Variants in C1QTNF12 observed in about 807,000 individuals in gnomAD.
C1QTNF12 encodes the protein C1q and TNF related 12.
In C1QTNF12, 39 loss-of-function variants were observed where a neutral mutation model predicts 34.3. The observed-to-expected ratio is 1.14, with a 90% CI of 0.88 to 1.49. The LOEUF (loss-of-function observed/expected upper bound fraction) is 1.49. C1QTNF12 is among the 40% of genes most tolerant of loss of function. The pLI is 0.00. For missense variants in C1QTNF12, 497 were observed against 424.7 expected (o/e 1.17, Z -1.50); for synonymous variants, 220 against 196.9 (o/e 1.12, Z -0.98).
At position 1,242,848 on chromosome 1, in the gene C1QTNF12, A is replaced by T. The variant is rs1336485511; in HGVS notation, c.797T>A (p.Leu266Gln). ...GCCCGGACTCACCTGCAGCTGCAGC[A>T]GCCCCTGCACCTGTAGCGTGAAGAC... ...SRVFTLQVQG[L>Q]LQLQAGQYAS... The change falls in exon 7 of 8, where the codon CTG becomes CAG. Residue 266 changes from leucine to glutamine, a missense_variant. Coordinates refer to ENST00000330388, the MANE Select transcript of C1QTNF12 (RefSeq NM_001014980.3). The T allele has an allele frequency of 6.2e-7, 1 of 1,612,176 alleles. No individual in the cohort carries two copies. Among genetic ancestry groups the T allele is most frequent in the East Asian group, 2.2e-5 (1 of 44,872 alleles).
intron 6 of C1QTNF12, 37 bp downstream of exon 6, chr1:1,243,025 G>A (rs1638779615): frequency 1.9e-6 from 3 of 1,559,366 alleles, no homozygotes; most frequent in Non-Finnish European, 2.6e-6. Flanking sequence ...GGGTGGTCCG[G>A]GGGCTGCCGC....
rs543393922 is a variant in C1QTNF12, at chr1:1,243,936, G to A, written c.531+18C>T. The A allele has an allele frequency of 2.5e-6, 4 of 1,600,324 alleles. No individual in the cohort carries two copies. The highest frequency in any genetic ancestry group is 1.3e-5 in the African/African-American group (1 of 74,592). On this transcript the variant is annotated intron_variant, in intron 4 of 7. Transcript: ENST00000330388. The stretch of plus-strand genomic sequence containing the variant: ...GGCCCCACCCAACACCCCGCTCTAA[G>A]CTCCCGGCTCCACTCACAGCCTGGA...
rs970793067 is a variant in C1QTNF12 at position 1,246,385 on chromosome 1, T to C, written c.177+129A>G. The C allele has an allele frequency of 2.1e-5, 16 of 746,566 alleles. No individual in the cohort carries two copies. Among genetic ancestry groups the C allele is most frequent in the Admixed American group, 1.3e-4 (3 of 22,870 alleles). The allele number at this position is 746,566 out of a possible 1,614,324, so 46.2% of individuals were successfully genotyped here. A position where few individuals can be genotyped will look rare whatever the true frequency, so the allele number is the denominator to read the frequency against. On this transcript the variant is annotated intron_variant, in intron 1 of 7. Coordinates refer to ENST00000330388, the MANE Select transcript of C1QTNF12 (RefSeq NM_001014980.3). The surrounding 1 kb of genome is among the most constrained non-coding windows in gnomAD (Gnocchi z 4.5). ...GCAGCAGATTCTCAAGGCGGGACCG[T>C]GGCCGAGGCCTCGAAAAGGGCGACC...
Position 1,242,713 on chromosome 1 carries a change from C to T in C1QTNF12, c.811-67G>A, listed in dbSNP as rs1437273875. On this transcript the variant is annotated intron_variant, in intron 7 of 7. Transcript: ENST00000330388. ...AGCCACTCGGTGGCCAACGTCTGCC[C>T]ACCTGCCCTGCGCTAGGAGGTGCCG... The T allele has an allele frequency of 1.9e-5, 29 of 1,551,226 alleles. No individual in the cohort carries two copies. The South Asian group carries it at 2.3e-4, about 12-fold the overall frequency.
At position 1,246,212 on chromosome 1, in the gene C1QTNF12, C is replaced by T. The variant is rs1248635469; in HGVS notation, c.177+302G>A. 6.7e-6 allele frequency among the ~76,000 whole-genome samples: 1 copy of T among 150,004 alleles called. No homozygotes were observed. The highest frequency in any genetic ancestry group is 6.6e-5 in the Admixed American group (1 of 15,044). On this transcript the variant is annotated intron_variant, in intron 1 of 7. Coordinates refer to ENST00000330388, the MANE Select transcript of C1QTNF12 (RefSeq NM_001014980.3). This position sits in a 1 kb window ranked among gnomAD's most constrained non-coding sequence, Gnocchi z 4.5. ...ATTAACCTAATAGCAACAGGTTCCT[C>T]AGAGCGCGGCAGGCCCACGCTTCAA... is the stretch of plus-strand genomic sequence containing the variant.
chr1:1,242,526 T>C lies in C1QTNF12; in HGVS notation c.*22A>G. ...GTCCCCGGGATCCGGCGGCAGCTCC[T>C]CGCCAGCCCCCCTGGGCGCCCTCAC... On this transcript the variant is annotated 3_prime_UTR_variant, in exon 8 of 8. Transcript: ENST00000330388. 2 of 1,540,664 alleles carry C rather than the reference T, an allele frequency of 1.3e-6. No homozygotes were observed. Among genetic ancestry groups the C allele is most frequent in the Non-Finnish European group, 1.8e-6 (2 of 1,139,828 alleles).
upstream of C1QTNF12, chr1:1,246,813 T>C (rs955449385): frequency 5.9e-6 from 4 of 674,940 alleles, no homozygotes; most frequent in African/African-American, 7.7e-5. This position sits in a 1 kb window ranked among gnomAD's most constrained non-coding sequence, Gnocchi z 4.5. Context: ...CCTCCGCCGC[T>C]GCATGTCTGC....
intron 1 of C1QTNF12, among the ~76,000 whole-genome samples, chr1:1,245,990 C>T (rs1245601012): frequency 6.6e-6 from 1 of 152,114 alleles, no homozygotes; most frequent in African/African-American, 2.4e-5. Context: ...TTTGTGAGGA[C>T]GCCCGGCCTG....
Position 1,244,275 on chromosome 1 carries a change from G to A in C1QTNF12, c.295C>T (p.Arg99Trp), listed in dbSNP as rs779429609. ...GGTCCTGGGGGACCGAAGAGATCCC[G>A]CTGGGGGGAGAGAGAAGCAGGTGAG... ...KRCGSRDKKP[R>W]DLFGPPGPPG... is the part of the protein sequence containing the mutation. Residue 99 changes from arginine to tryptophan, a missense_variant and splice_region_variant, in exon 3 of 8, where the codon CGG (arginine) becomes TGG (tryptophan). Arg to Trp is a moderately radical substitution (Grantham distance 101, BLOSUM62 -3). Coordinates refer to ENST00000330388, the MANE Select transcript of C1QTNF12 (RefSeq NM_001014980.3). 4.5e-5 allele frequency: 71 copies of A among 1,591,784 alleles called. No individual in the cohort carries two copies. Among genetic ancestry groups the A allele is most frequent in the African/African-American group, 3.8e-4 (28 of 74,250 alleles).
rs561075819 is a variant in C1QTNF12 at position 1,244,371 on chromosome 1, C to T, written c.294+10G>A. 86 of 1,609,808 alleles carry T rather than the reference C, an allele frequency of 5.3e-5. No homozygotes were observed. Among genetic ancestry groups the T allele is most frequent in the East Asian group, 1.3e-4 (6 of 44,822 alleles). On this transcript the variant is annotated intron_variant, in intron 2 of 7. Coordinates refer to ENST00000330388, the MANE Select transcript of C1QTNF12 (RefSeq NM_001014980.3). ...GGCTCAGACCCTGCAGCAGCCCGGG[C>T]GGGGCTCACCGGCTTCTTGTCCCTG...
In C1QTNF12 at chr1:1,242,859, C is replaced by G; in HGVS notation, c.786G>C (p.Gln262His). 3 of 1,612,432 alleles carry G rather than the reference C, an allele frequency of 1.9e-6. No homozygotes were observed. The highest frequency in any genetic ancestry group is 2.5e-6 in the Non-Finnish European group (3 of 1,179,766). The change falls in exon 7 of 8, where the codon CAG (glutamine) becomes CAC (histidine). Residue 262 changes from glutamine to histidine, a missense_variant. Coordinates refer to ENST00000330388, the MANE Select transcript of C1QTNF12 (RefSeq NM_001014980.3). ...CCTGCAGCTGCAGCAGCCCCTGCAC[C>G]TGTAGCGTGAAGACCCTGCTGTTGC... ...LESNSRVFTLQVQGLLQLQAG... is the reference protein window; with the variant it reads ...LESNSRVFTLHVQGLLQLQAG...
chr1:1,242,635 G>GTAC lies in C1QTNF12; in HGVS notation c.819_821dup (p.Gln273_Tyr274insTer), dbSNP rs1362777940. The stretch of plus-strand genomic sequence containing the variant: ...AGCCATTGTCCACAAACACAGAAGC[G>GTAC]TACTGTCCAGCCTGTAAGAAGCACG... On this transcript the variant is annotated stop_gained, in exon 8 of 8. Coordinates refer to ENST00000330388, the MANE Select transcript of C1QTNF12 (RefSeq NM_001014980.3). LOFTEE classifies it high-confidence loss of function. The GTAC allele has an allele frequency of 6.3e-7, 1 of 1,592,250 alleles. No homozygotes were observed. The highest frequency in any genetic ancestry group is 8.5e-7 in the Non-Finnish European group (1 of 1,169,958).
intron 7 of C1QTNF12, 23 bp downstream of exon 7, chr1:1,242,812 G>T (rs182102046): frequency 6.2e-7 from 1 of 1,611,028 alleles, no homozygotes; most frequent in Non-Finnish European, 8.5e-7. Context: ...GAGCCCTCCC[G>T]CTCACACCCG....
At chr1:1,244,536 C>G (rs1638831163) in intron 1 of C1QTNF12, 39 bp from the exon 2 acceptor site, 1 of 1,464,626 alleles carries the variant, frequency 6.8e-7, no homozygotes, top group African/African-American at 1.4e-5. Context: ...TGAGGCTGCA[C>G]CCTGCAGAGA....
At chr1:1,243,368 C>T in intron 5 of C1QTNF12, 76 bp downstream of exon 5, 1 of 1,370,712 alleles carries the variant, frequency 7.3e-7, no homozygotes, top group Non-Finnish European at 1.0e-6. Context: ...GCACCCGGGG[C>T]CGGCGATGCC....
rs1186439429 is a variant in C1QTNF12 at position 1,243,536 on chromosome 1, G to A, written c.548C>T (p.Ala183Val). Residue 183 changes from alanine (A) to valine (V), a missense_variant, in exon 5 of 8, where the codon GCC (alanine) becomes GTC (valine). Ala to Val is a moderately conservative substitution (Grantham distance 64). Coordinates refer to ENST00000330388, the MANE Select transcript of C1QTNF12 (RefSeq NM_001014980.3). ...GCTCAGACCGGAGCCTCGCAGGAAG[G>A]CACCTTGGGCAGCAGGCTGTGAGGG... ...HGFQAPAAQG[A>V]FLRGSGLSLA... The A allele has an allele frequency of 1.3e-6, 2 of 1,552,164 alleles. No individual in the cohort carries two copies.
rs996452760 is a variant in C1QTNF12, at chr1:1,242,469, T to C, written c.*79A>G. ...GGCAGTGGGGAGGGTGGAGGGCTCTTTATTGTGGTGACCACGGGCATCAGT... is the reference window on the plus strand; with the variant it reads ...GGCAGTGGGGAGGGTGGAGGGCTCTCTATTGTGGTGACCACGGGCATCAGT... On this transcript the variant is annotated 3_prime_UTR_variant, in exon 8 of 8. Transcript: ENST00000330388. 2 of 1,123,122 alleles carry C rather than the reference T, an allele frequency of 1.8e-6. No individual in the cohort carries two copies. The highest frequency in any genetic ancestry group is 1.3e-6 in the Non-Finnish European group (1 of 782,220). 69.6% of individuals were successfully genotyped at this position (1,123,122 alleles called of 1,614,324 possible).
Position 1,244,098 on chromosome 1 carries a change from C to CGTGGCCTCT in C1QTNF12, c.380-2_386dup (p.Ala128_Glu130dup). ...CCAGAAGCCCTGAGAACCGGCGCTC[C>CGTGGCCTCT]GTGGCCTCTGTGGGGAGGAGGGCAC... is the stretch of plus-strand genomic sequence containing the variant. On this transcript the variant is annotated inframe_insertion, in exon 4 of 8. Transcript: ENST00000330388. The CGTGGCCTCT allele has an allele frequency of 6.3e-7, 1 of 1,581,592 alleles. No homozygotes were observed. The highest frequency in any genetic ancestry group is 8.6e-7 in the Non-Finnish European group (1 of 1,164,006).
Position 1,246,536 on chromosome 1 carries a change from T to A in C1QTNF12, c.155A>T (p.Glu52Val). ...TACCTTGGGGGCCTCGGGCAGCCCC[T>A]CGCGGGAGGACGCGCTGGCGGTGGC... Reference protein sequence around the residue: ...PNATASASSREGLPEAPKPSQ... With the variant: ...PNATASASSRVGLPEAPKPSQ... Residue 52 changes from glutamate to valine, a missense_variant, in exon 1 of 8, where the codon GAG (glutamate) becomes GTG (valine). Physicochemically the swap from Glu to Val is moderately radical, Grantham distance 121 (BLOSUM62 -2). Transcript: ENST00000330388. The surrounding 1 kb of genome is among the most constrained non-coding windows in gnomAD (Gnocchi z 4.5). 3 of 1,236,596 alleles carry A rather than the reference T, an allele frequency of 2.4e-6. No individual in the cohort carries two copies. In the South Asian group the frequency reaches 1.1e-4, roughly 46 times the overall value. The allele number at this position is 1,236,596 out of a possible 1,614,324, so 76.6% of individuals were successfully genotyped here.
Sources: allele counts gnomAD v4.1 joint callset (sites outside exome capture counted in the v4.1 genomes callset), GRCh38; gene constraint gnomAD v4.1.1; non-coding constraint Gnocchi (gnomAD v3.1); transcripts MANE v1.5; gene names NCBI Gene and HGNC (gene_info 2026-07-23, HGNC 2026-07-21).